The following CAMTA1 variants were observed in gnomAD, a reference collection of about 807,000 sequenced individuals.
CAMTA1 encodes the protein calmodulin-binding transcription activator 1.
In CAMTA1, 27 loss-of-function variants were observed where a neutral mutation model predicts 170.9. The ratio of observed to expected loss-of-function variants is 0.16; its 90% CI spans 0.12 to 0.22. CAMTA1 has a LOEUF of 0.22. Among genes scored for constraint, CAMTA1 ranks in the 10% least tolerant of loss-of-function variants. The pLI, the probability that CAMTA1 is intolerant of heterozygous loss-of-function variation, is 1.00. For synonymous variants in CAMTA1, 833 were observed against 891.5 expected (o/e 0.93, Z 1.17); for missense variants, 1,619 against 2,217.2 (o/e 0.73, Z 5.42).
chr1:7,095,727 A>G (rs1003744125), intron 4 of CAMTA1, among the ~76,000 whole-genome samples: 1 of 152,140 alleles, frequency 6.6e-6, no homozygotes, highest in African/African-American at 2.4e-5. Flanking sequence ...TGCCAGCCAG[A>G]AGGGTGTTCT....
At chr1:7,622,734 T>G (rs17031185) in intron 6 of CAMTA1, among the ~76,000 whole-genome samples, 19,505 of 152,274 alleles carry the variant, frequency 0.13, 1,337 homozygotes, top group African/African-American at 0.14. Context: ...AAAGCGTTCC[T>G]GAACCATTTC....
intron 3 of CAMTA1, among the ~76,000 whole-genome samples, chr1:6,843,860 G>A (rs1656872656): frequency 6.6e-6 from 1 of 152,146 alleles, no homozygotes; most frequent in South Asian, 2.1e-4. Flanking sequence ...TTATACATCT[G>A]CGTGGCCAAA....
intron 6 of CAMTA1, among the ~76,000 whole-genome samples, chr1:7,500,422 A>G (rs1432577924): frequency 2.0e-5 from 3 of 150,498 alleles, no homozygotes; most frequent in Non-Finnish European, 3.0e-5. Flanking sequence ...GGATGGTGTG[A>G]GCCTGTTGTG....
At chr1:7,528,802 GATGAATGA>G (rs3033702) in intron 6 of CAMTA1, among the ~76,000 whole-genome samples, 2,415 of 148,484 alleles carry the variant, frequency 0.016, 28 homozygotes, top group African/African-American at 0.026. Flanking sequence ...TGAAAGGATG[GATGAATGA>G]ATGAATGAAT....
chr1:7,294,255 A>T (rs1390385792), intron 5 of CAMTA1, among the ~76,000 whole-genome samples: 4 of 152,158 alleles, frequency 2.6e-5, no homozygotes, highest in Non-Finnish European at 4.4e-5. Flanking sequence ...TCAGGGGTTT[A>T]CGCTGTTTAA....
At chr1:7,696,167 T>C (rs1190771646) in intron 11 of CAMTA1, among the ~76,000 whole-genome samples, 1 of 138,394 alleles carries the variant, frequency 7.2e-6, no homozygotes, top group Non-Finnish European at 1.6e-5. Flanking sequence ...TCTCTTTAAT[T>C]AGATCTCTAA....
intron 6 of CAMTA1, among the ~76,000 whole-genome samples, chr1:7,483,654 G>A (rs915514485): frequency 6.6e-6 from 1 of 152,190 alleles, no homozygotes; most frequent in Admixed American, 6.5e-5. Flanking sequence ...GCTGAGAGCT[G>A]GCATCTTGCT....
chr1:7,400,742 C>G (rs904493886), intron 5 of CAMTA1, among the ~76,000 whole-genome samples: 1 of 152,154 alleles, frequency 6.6e-6, no homozygotes, highest in Non-Finnish European at 1.5e-5. Flanking sequence ...GTTTCTTTTG[C>G]TGTATCAATA....
At chr1:7,311,596 G>A (rs1676735698) in intron 5 of CAMTA1, among the ~76,000 whole-genome samples, 3 of 128,024 alleles carry the variant, frequency 2.3e-5, no homozygotes, top group African/African-American at 7.8e-5. Flanking sequence ...TTCTATGAAA[G>A]TTGAGTTTTT....
intron 5 of CAMTA1, among the ~76,000 whole-genome samples, chr1:7,451,623 A>G (rs1434228857): frequency 2.6e-5 from 4 of 152,038 alleles, no homozygotes; most frequent in Non-Finnish European, 4.4e-5. Context: ...TCTCCCTGAG[A>G]ACCCTTAGAA....
At chr1:7,625,151 G>A (rs1473308218) in intron 6 of CAMTA1, among the ~76,000 whole-genome samples, 2 of 152,178 alleles carry the variant, frequency 1.3e-5, no homozygotes, top group Non-Finnish European at 2.9e-5. Context: ...AGTGGGTGAC[G>A]TCATCAGAGC....
chr1:7,385,794 C>T lies in CAMTA1; in HGVS notation c.439-82036C>T, dbSNP rs1294462360. Among the ~76,000 whole-genome samples the T allele has an allele frequency of 3.3e-5, 5 of 152,226 alleles. No individual in the cohort carries two copies. In the East Asian group the frequency reaches 9.6e-4, roughly 29 times the overall value. On this transcript the variant is annotated intron_variant, in intron 5 of 22. Coordinates refer to ENST00000303635, the MANE Select transcript of CAMTA1 (RefSeq NM_015215.4). ...CTCAGCTCTCACCACCCACTGCTAG[C>T]CACTCTCTTCCACATTTGGCCTCCC... is the stretch of plus-strand genomic sequence containing the variant.
At chr1:7,651,536 C>G (rs1040862200) in intron 7 of CAMTA1, among the ~76,000 whole-genome samples, 1 of 152,270 alleles carries the variant, frequency 6.6e-6, no homozygotes, top group Non-Finnish European at 1.5e-5. Context: ...CTGGAGTTCT[C>G]TCTGTCTCCT....
At chr1:6,836,644 G>A (rs926614887) in intron 3 of CAMTA1, among the ~76,000 whole-genome samples, 4 of 152,118 alleles carry the variant, frequency 2.6e-5, no homozygotes, top group Non-Finnish European at 5.9e-5. Context: ...CATCCAGGTG[G>A]GGCGTCTGCG....
chr1:7,397,309 T>C (rs2089399984), intron 5 of CAMTA1, among the ~76,000 whole-genome samples: 1 of 152,184 alleles, frequency 6.6e-6, no homozygotes, highest in African/African-American at 2.4e-5. Flanking sequence ...TATGATCCTT[T>C]GTATTTCTGT....
Position 7,204,872 on chromosome 1 carries a change from C to G in CAMTA1, c.303-44619C>G, listed in dbSNP as rs184410608. On this transcript the variant is annotated intron_variant, in intron 4 of 22. Coordinates refer to ENST00000303635, the MANE Select transcript of CAMTA1 (RefSeq NM_015215.4). ...TGAGGCAGAGTCTTGCTCTGTCACC[C>G]AGGCTGAAGTGCAGTGGCACGACCT... 2.1e-5 allele frequency among the ~76,000 whole-genome samples: 3 copies of G among 139,874 alleles called. No individual in the cohort carries two copies. In the Admixed American group the frequency reaches 2.3e-4, roughly 11 times the overall value. 91.8% of individuals were successfully genotyped at this position (139,874 alleles called of 152,430 possible).
intron 5 of CAMTA1, among the ~76,000 whole-genome samples, chr1:7,265,116 G>A (rs1377622727): frequency 6.6e-6 from 1 of 152,036 alleles, no homozygotes; most frequent in African/African-American, 2.4e-5. Flanking sequence ...AGTTAGATGT[G>A]CCAGTGCCAC....
At chr1:7,750,902 T>C in intron 19 of CAMTA1, 1 of 444,528 alleles carries the variant, frequency 2.2e-6, no homozygotes, top group South Asian at 2.1e-5. Flanking sequence ...TGTTTTTAGA[T>C]TCATAAACGT....
At chr1:7,026,171 C>T (rs540051472) in intron 3 of CAMTA1, among the ~76,000 whole-genome samples, 2 of 151,740 alleles carry the variant, frequency 1.3e-5, no homozygotes, top group South Asian at 2.1e-4. Flanking sequence ...GAGAGCAGGC[C>T]CATGAAGGTG....
Sources: allele counts gnomAD v4.1 joint callset (sites outside exome capture counted in the v4.1 genomes callset), GRCh38; gene constraint gnomAD v4.1.1; transcripts MANE v1.5; gene names NCBI Gene and HGNC (gene_info 2026-07-23, HGNC 2026-07-21).